RARB: variants seen among roughly 807,000 people sequenced by gnomAD.
RARB encodes the protein retinoic acid receptor beta.
RARB carries 17 observed loss-of-function variants against 51.9 expected under a neutral mutation model. The observed-to-expected ratio is 0.33, with a 90% CI of 0.22 to 0.49. The LOEUF is 0.49. Ranked by LOEUF, RARB falls within the 20% of genes least tolerant of loss-of-function variation. RARB has a pLI of 0.99. For synonymous variants in RARB, 215 were observed against 195.4 expected, an observed-to-expected ratio of 1.10 and a Z score of -0.84; for missense variants, 369 against 550.8, an observed-to-expected ratio of 0.67 and a Z score of 3.30.
At chr3:25,423,927 C>G (rs116386563), upstream of RARB, among the ~76,000 whole-genome samples, 7 of 152,118 alleles carry the variant, frequency 4.6e-5, no homozygotes, top group Non-Finnish European at 8.8e-5. Flanking sequence ...TGGAACCAAC[C>G]GAAACTGTTG....
chr3:25,435,561 G>A (rs1216751565), intron 1 of RARB, among the ~76,000 whole-genome samples: 1 of 152,144 alleles, frequency 6.6e-6, no homozygotes, highest in Non-Finnish European at 1.5e-5. Context: ...AACTAAAATG[G>A]AAATGGAGGC....
rs373947940 is a variant in RARB at position 25,200,492 on chromosome 3, C to G, written c.178+25917C>G. On this transcript the variant is annotated intron_variant, in intron 5 of 11. Transcript: ENST00000383772. ...TTGGCTTTTGTTGCCATTGCTTTTG[C>G]TGTTTTAGACATGAAGTCCTTGCCC... is the stretch of plus-strand genomic sequence containing the variant. 7.5e-3 allele frequency among the ~76,000 whole-genome samples: 1,134 copies of G among 151,938 alleles called. 21 individuals are homozygous for G. The highest frequency in any genetic ancestry group is 0.031 in the South Asian group (149 of 4,810).
At chr3:25,045,558 G>C (rs1237968180) in intron 2 of RARB, among the ~76,000 whole-genome samples, 1 of 152,330 alleles carries the variant, frequency 6.6e-6, no homozygotes, top group East Asian at 1.9e-4. Context: ...AACGACTTCA[G>C]TGTTGCTACT....
intron 3 of RARB, among the ~76,000 whole-genome samples, chr3:25,088,021 C>A (rs1699132511): frequency 6.6e-6 from 1 of 151,696 alleles, no homozygotes; most frequent in South Asian, 2.1e-4. Flanking sequence ...TCATGGTTCA[C>A]AAGAAGGTTG....
intron 2 of RARB, among the ~76,000 whole-genome samples, chr3:24,912,400 A>G (rs1460742391): frequency 6.6e-6 from 1 of 151,394 alleles, no homozygotes; most frequent in African/African-American, 2.4e-5. Context: ...TACTTAATAC[A>G]ATGTCTGGTA....
intron 1 of RARB, among the ~76,000 whole-genome samples, chr3:24,850,469 G>A (rs1310031406): frequency 6.6e-6 from 1 of 152,164 alleles, no homozygotes; most frequent in Non-Finnish European, 1.5e-5. Flanking sequence ...ATACTCCCAC[G>A]AGGGCAGGAA....
chr3:24,829,900 G>C (rs923271671), intron 1 of RARB, among the ~76,000 whole-genome samples: 2 of 152,220 alleles, frequency 1.3e-5, no homozygotes, highest in African/African-American at 2.4e-5. Context: ...AGAGGTTCTC[G>C]CTCCATTCCC....
At chr3:25,293,300 C>T (rs949676822) in intron 5 of RARB, among the ~76,000 whole-genome samples, 4 of 152,214 alleles carry the variant, frequency 2.6e-5, no homozygotes, top group African/African-American at 4.8e-5. Flanking sequence ...CCTATCTGTA[C>T]TCAGTTTTGT....
chr3:25,428,996 A>G (rs1010233266), intron 1 of RARB, 108 bp downstream of exon 1: 85 of 1,311,922 alleles, frequency 6.5e-5, no homozygotes, highest in Non-Finnish European at 8.2e-5. Context: ...CAAAGGATTT[A>G]ATGATTTAAT....
intron 2 of RARB, among the ~76,000 whole-genome samples, chr3:25,480,149 A>C (rs1367729738): frequency 6.6e-6 from 1 of 152,194 alleles, no homozygotes; most frequent in Non-Finnish European, 1.5e-5. Flanking sequence ...CCTGGGTTCA[A>C]ATCTTGGCTC....
At chr3:25,106,001 C>G (rs888836123) in intron 3 of RARB, among the ~76,000 whole-genome samples, 4 of 152,156 alleles carry the variant, frequency 2.6e-5, no homozygotes, top group Non-Finnish European at 5.9e-5. Flanking sequence ...CAATTCAGAT[C>G]ATTTAGACTG....
intron 5 of RARB, among the ~76,000 whole-genome samples, chr3:25,216,728 G>A (rs1701841954): frequency 6.6e-6 from 1 of 150,396 alleles, no homozygotes; most frequent in Non-Finnish European, 1.5e-5. Context: ...CAAAATATAG[G>A]TACTACATAT....
intron 2 of RARB, among the ~76,000 whole-genome samples, chr3:24,994,799 C>T (rs1696987980): frequency 6.6e-6 from 1 of 151,998 alleles, no homozygotes; most frequent in South Asian, 2.1e-4. Flanking sequence ...AATTAGTTGG[C>T]TATAAATGGA....
chr3:24,973,796 C>T (rs1257227541), intron 2 of RARB, among the ~76,000 whole-genome samples: 1 of 151,790 alleles, frequency 6.6e-6, no homozygotes, highest in African/African-American at 2.4e-5. Flanking sequence ...TTGTATGTTG[C>T]TTTTGTATCC....
intron 2 of RARB, among the ~76,000 whole-genome samples, chr3:25,014,186 C>T (rs1400144201): frequency 6.6e-6 from 1 of 152,104 alleles, no homozygotes; most frequent in African/African-American, 2.4e-5. Flanking sequence ...CTTTCGCATG[C>T]CTTTTTGCAA....
intron 5 of RARB, among the ~76,000 whole-genome samples, chr3:25,372,969 G>C (rs1484900287): frequency 6.6e-6 from 1 of 152,176 alleles, no homozygotes; most frequent in African/African-American, 2.4e-5. Flanking sequence ...TAAGAGTCAA[G>C]GTTTGTGATG....
chr3:25,332,846 AC>A (rs1267021232), intron 5 of RARB, among the ~76,000 whole-genome samples: 20 of 152,338 alleles, frequency 1.3e-4, no homozygotes, highest in Non-Finnish European at 4.4e-5. Flanking sequence ...TACAAAATCA[AC>A]GTGCAAAAAT....
At chr3:25,402,438 C>G (rs962633838) in intron 5 of RARB, among the ~76,000 whole-genome samples, 1 of 152,224 alleles carries the variant, frequency 6.6e-6, no homozygotes, top group East Asian at 1.9e-4. Flanking sequence ...TGTGATCTAG[C>G]AATCCCACTG....
intron 2 of RARB, among the ~76,000 whole-genome samples, chr3:25,048,034 T>C (rs1227516639): frequency 6.6e-6 from 1 of 152,220 alleles, no homozygotes; most frequent in African/African-American, 2.4e-5. Context: ...CCTGCCGCCA[T>C]GTAAGATGTG....
Sources: allele counts gnomAD v4.1 joint callset (sites outside exome capture counted in the v4.1 genomes callset), GRCh38; gene constraint gnomAD v4.1.1; transcripts MANE v1.5; gene names NCBI Gene and HGNC (gene_info 2026-07-23, HGNC 2026-07-21).